HHIPL1: variants seen among roughly 807,000 people sequenced by gnomAD.
HHIPL1 encodes HHIP-like protein 1.
Under a neutral mutation model 61.8 loss-of-function variants are expected in HHIPL1, and 43 were observed. The observed-to-expected ratio is 0.70, with a 90% CI of 0.55 to 0.90. The LOEUF (loss-of-function observed/expected upper bound fraction) is 0.90, where lower values mean the gene tolerates loss of function less well. HHIPL1 is among the 40% of genes least tolerant of loss of function. The pLI is 0.00. For synonymous variants in HHIPL1, 482 were observed against 515.8 expected (o/e 0.93, Z 0.89); for missense variants, 1,056 against 1,157.7 (o/e 0.91, Z 1.28).
At chr14:99,647,060 G>A (rs4418999) in intron 1 of HHIPL1, among the ~76,000 whole-genome samples, 1 of 152,124 alleles carries the variant, frequency 6.6e-6, no homozygotes, top group Non-Finnish European at 1.5e-5. Flanking sequence ...GGAAGACTCA[G>A]AGGCAGGCAG....
chr14:99,647,517 A>G (rs2055860752), intron 1 of HHIPL1, among the ~76,000 whole-genome samples: 1 of 152,252 alleles, frequency 6.6e-6, no homozygotes, highest in Admixed American at 6.5e-5. Flanking sequence ...GAAACTTCCC[A>G]GGACAGCCTG....
At chr14:99,648,573 C>A (rs2055877422) in intron 1 of HHIPL1, among the ~76,000 whole-genome samples, 1 of 152,212 alleles carries the variant, frequency 6.6e-6, no homozygotes, top group African/African-American at 2.4e-5. Context: ...GGCTGGAGCG[C>A]CCCTGGCGAC....
chr14:99,631,084 C>CTTTCTTTCTTTCTTTCTT, the HHIPL1 span, among the ~76,000 whole-genome samples: 1 of 148,826 alleles, frequency 6.7e-6, no homozygotes, highest in African/African-American at 2.5e-5. Flanking sequence ...TTCTTTCTTT[C>CTTTCTTTCTTTCTTTCTT]TTTCTTTCTT....
At chr14:99,622,957 G>T in the HHIPL1 span, among the ~76,000 whole-genome samples, 1 of 152,352 alleles carries the variant, frequency 6.6e-6, no homozygotes, top group African/African-American at 2.4e-5. Flanking sequence ...TGGGAGTTAA[G>T]ACAGAGACAG....
intron 1 of HHIPL1, among the ~76,000 whole-genome samples, chr14:99,648,792 T>G (rs774176101): frequency 5.7e-4 from 86 of 152,136 alleles, no homozygotes; most frequent in Non-Finnish European, 9.1e-4. Context: ...AGGAAGTAGG[T>G]GAGAAGCAAA....
At chr14:99,636,389 G>T in the HHIPL1 span, among the ~76,000 whole-genome samples, 1 of 152,192 alleles carries the variant, frequency 6.6e-6, no homozygotes, top group Non-Finnish European at 1.5e-5. Flanking sequence ...GCATGACGTG[G>T]CACAGGCAAA....
chr14:99,638,464 A>G, the HHIPL1 span, among the ~76,000 whole-genome samples: 1 of 152,168 alleles, frequency 6.6e-6, no homozygotes, highest in African/African-American at 2.4e-5. Flanking sequence ...ATACCGACCC[A>G]GTCTGGCCAG....
chr14:99,675,305 G>A lies in HHIPL1; in HGVS notation c.2028G>A (p.Val676=). ...TCCGGGATGGCGAGGTGCGCCTGGT[G>A]CGGCCCGCGGGCCTGAGCTCTGGCA... ...RAFRDGEVRL[V]RPAGLSSGSG... Residue 676 remains valine (V), a synonymous_variant, in exon 9 of 9, where the codon GTG becomes GTA. Transcript: ENST00000330710. This position sits in a 1 kb window ranked among gnomAD's most constrained non-coding sequence, Gnocchi z 5.4. 1 of 1,328,590 alleles carries A rather than the reference G, an allele frequency of 7.5e-7. No individual in the cohort carries two copies. Among genetic ancestry groups the A allele is most frequent in the East Asian group, 3.1e-5 (1 of 32,074 alleles). The allele number at this position is 1,328,590 out of a possible 1,614,324, so 82.3% of individuals were successfully genotyped here.
chr14:99,664,594 A>G (rs1001943027), intron 6 of HHIPL1, among the ~76,000 whole-genome samples: 3 of 152,086 alleles, frequency 2.0e-5, no homozygotes, highest in African/African-American at 7.2e-5. Flanking sequence ...CTGGGGTCCA[A>G]CGCAAACAAA....
chr14:99,673,441 G>A (rs562949052), intron 8 of HHIPL1, among the ~76,000 whole-genome samples: 4 of 148,604 alleles, frequency 2.7e-5, no homozygotes, highest in African/African-American at 1.0e-4. Flanking sequence ...AAGGCCTTGT[G>A]ATCGAAGTGT....
intron 5 of HHIPL1, 99 bp from the exon 6 acceptor site, chr14:99,662,777 G>A: frequency 1.8e-6 from 2 of 1,118,234 alleles, no homozygotes; most frequent in Non-Finnish European, 2.6e-6. Context: ...AGGGAGGGAG[G>A]AATGGATACA....
upstream of HHIPL1, among the ~76,000 whole-genome samples, chr14:99,640,190 A>AG (rs2055732932): frequency 1.3e-5 from 2 of 152,216 alleles, no homozygotes; most frequent in East Asian, 3.8e-4. Context: ...CTTCTTTTAA[A>AG]GCATATCAAT....
the HHIPL1 span, among the ~76,000 whole-genome samples, chr14:99,613,552 G>A: frequency 3.0e-4 from 46 of 151,926 alleles, no homozygotes; most frequent in Admixed American, 2.8e-3. Context: ...TGCCACCTCA[G>A]CCTACCCAAG....
chr14:99,655,138 G>A (rs778929742), intron 2 of HHIPL1, among the ~76,000 whole-genome samples: 3 of 152,114 alleles, frequency 2.0e-5, no homozygotes, highest in Non-Finnish European at 2.9e-5. Context: ...TCCCAATGCC[G>A]GGTGGATGAC....
chr14:99,665,100 T>A (rs1235737204), intron 6 of HHIPL1, among the ~76,000 whole-genome samples: 1 of 151,822 alleles, frequency 6.6e-6, no homozygotes, highest in East Asian at 1.9e-4. Context: ...ATTTTTGTAT[T>A]TTTTTTAGTA....
the HHIPL1 span, among the ~76,000 whole-genome samples, chr14:99,605,166 T>C: frequency 6.6e-6 from 1 of 152,120 alleles, no homozygotes; most frequent in Non-Finnish European, 1.5e-5. Flanking sequence ...CGGGAGATAA[T>C]CTGCAATTCG....
At position 99,668,098 on chromosome 14, in the gene HHIPL1, C is replaced by T; in HGVS notation, c.1649-124C>T. The T allele has an allele frequency of 1.4e-6, 1 of 721,788 alleles. No homozygotes were observed. Among genetic ancestry groups the T allele is most frequent in the Non-Finnish European group, 2.6e-6 (1 of 386,464 alleles). 44.7% of individuals were successfully genotyped at this position (721,788 alleles called of 1,614,324 possible). A position where few individuals can be genotyped will look rare whatever the true frequency, so the allele number is the denominator to read the frequency against. On this transcript the variant is annotated intron_variant, in intron 6 of 8. Coordinates refer to ENST00000330710, the MANE Select transcript of HHIPL1 (RefSeq NM_001127258.3). This position sits in a 1 kb window ranked among gnomAD's most constrained non-coding sequence, Gnocchi z 4.7. Reference sequence around the variant, plus strand: ...ACAGCTAGACTGAGCTGGGATGCCTCACGTGATGGCTAGCTGGGGTTGGGG... The same window carrying T: ...ACAGCTAGACTGAGCTGGGATGCCTTACGTGATGGCTAGCTGGGGTTGGGG...
At chr14:99,623,110 C>A in the HHIPL1 span, among the ~76,000 whole-genome samples, 2 of 152,206 alleles carry the variant, frequency 1.3e-5, no homozygotes. Flanking sequence ...GGCAGCAGAG[C>A]TGGGGAAGAG....
At chr14:99,637,100 GAAAA>G in the HHIPL1 span, among the ~76,000 whole-genome samples, 1 of 111,120 alleles carries the variant, frequency 9.0e-6, no homozygotes, top group Non-Finnish European at 1.9e-5. Context: ...AAGAAGGAAG[GAAAA>G]AAGAAAGAAA....
Sources: gnomAD v4.1 joint callset for allele counts (sites outside exome capture counted in the v4.1 genomes callset) on GRCh38, gnomAD v4.1.1 for gene constraint, Gnocchi (gnomAD v3.1) non-coding constraint, MANE v1.5 for transcripts, NCBI Gene and HGNC (gene_info 2026-07-23, HGNC 2026-07-21) for gene names.